The following LHPP variants were observed in gnomAD, a reference collection of about 807,000 sequenced individuals.
LHPP encodes hLHPP.
Under a neutral mutation model 30.3 loss-of-function variants are expected in LHPP, and 24 were observed. The observed-to-expected ratio is 0.79, with a 90% confidence interval of 0.57 to 1.11. The LOEUF (loss-of-function observed/expected upper bound fraction) is 1.11, where lower values mean the gene tolerates loss of function less well. LHPP is among the 50% of genes most tolerant of loss of function. The pLI, the probability that LHPP is intolerant of heterozygous loss-of-function variation, is 0.00. For synonymous variants in LHPP, 150 were observed against 157.1 expected (o/e 0.95, Z 0.34); for missense variants, 356 against 367.2 (o/e 0.97, Z 0.25).
At chr10:124,518,189 T>G (rs1954510191) in intron 6 of LHPP, among the ~76,000 whole-genome samples, 1 of 152,274 alleles carries the variant, frequency 6.6e-6, no homozygotes, top group African/African-American at 2.4e-5. Context: ...GGTCAGGAAG[T>G]TGGTCCCTTC....
In LHPP at chr10:124,517,376, A is replaced by G. The variant is rs1954487646; in HGVS notation, c.716+105A>G. The G allele has an allele frequency of 2.7e-6, 2 of 750,600 alleles. No individual in the cohort carries two copies. Among genetic ancestry groups the G allele is most frequent in the South Asian group, 3.9e-5 (2 of 50,722 alleles). The allele number at this position is 750,600 out of a possible 1,614,324, so 46.5% of individuals were successfully genotyped here. ...AAAGGGGATATTCTTTCCAAATCAAAGAGCAGTATGTGGGCATTCACTATC... is the reference window on the plus strand; with the variant it reads ...AAAGGGGATATTCTTTCCAAATCAAGGAGCAGTATGTGGGCATTCACTATC... On this transcript the variant is annotated intron_variant, in intron 6 of 6. Coordinates refer to ENST00000368842, the MANE Select transcript of LHPP (RefSeq NM_022126.4). The surrounding 1 kb of genome is among the most constrained non-coding windows in gnomAD (Gnocchi z 4.1).
intron 2 of LHPP, among the ~76,000 whole-genome samples, chr10:124,484,771 T>C (rs934371597): frequency 2.0e-5 from 3 of 152,106 alleles, no homozygotes; most frequent in Non-Finnish European, 4.4e-5. Context: ...TCTGGCACCA[T>C]AGCCTTCAAC....
At chr10:124,543,141 G>A (rs536019181) in intron 6 of LHPP, among the ~76,000 whole-genome samples, 1 of 152,328 alleles carries the variant, frequency 6.6e-6, no homozygotes, top group East Asian at 1.9e-4. Context: ...TCCGAGGGTT[G>A]ACTGGGAGAG....
rs1033565407 is a variant in LHPP, at chr10:124,592,664, C to T, written c.717-20600C>T. Among the ~76,000 whole-genome samples the T allele has an allele frequency of 8.5e-5, 13 of 152,294 alleles. No homozygotes were observed. Among genetic ancestry groups the T allele is most frequent in the Middle Eastern group, 3.4e-3 (1 of 294 alleles). ...CTGTGGAGCTGCCTCCAGGCCTTCC[C>T]GGAGGCCCCATGGCTGTCTTACTTG... On this transcript the variant is annotated intron_variant, in intron 6 of 6. Transcript: ENST00000368842. This position sits in a 1 kb window ranked among gnomAD's most constrained non-coding sequence, Gnocchi z 6.2.
chr10:124,553,739 GT>G (rs1564827382), intron 6 of LHPP, among the ~76,000 whole-genome samples: 1 of 152,190 alleles, frequency 6.6e-6, no homozygotes, highest in Non-Finnish European at 1.5e-5. Flanking sequence ...GATTACAGGC[GT>G]GAGCCACCAC....
At chr10:124,613,203 G>A in intron 6 of LHPP, 61 bp from the exon 7 acceptor site, 1 of 1,221,270 alleles carries the variant, frequency 8.2e-7, no homozygotes, top group Non-Finnish European at 1.2e-6. Flanking sequence ...CTGGGAGGGT[G>A]GGTGTGGCTG....
At chr10:124,536,994 A>G (rs754054966) in intron 6 of LHPP, among the ~76,000 whole-genome samples, 12 of 152,216 alleles carry the variant, frequency 7.9e-5, no homozygotes, top group Admixed American at 1.3e-4. Flanking sequence ...TAATATATAA[A>G]TAATAAAAGT....
intron 6 of LHPP, among the ~76,000 whole-genome samples, chr10:124,568,042 A>AG (rs1056340281): frequency 5.9e-5 from 9 of 151,954 alleles, no homozygotes; most frequent in East Asian, 3.9e-4. Flanking sequence ...CCTCCTTAGT[A>AG]GGGGGGGACT....
intron 6 of LHPP, among the ~76,000 whole-genome samples, chr10:124,519,884 G>C (rs112576983): frequency 0.041 from 6,202 of 151,736 alleles, 269 homozygotes; most frequent in East Asian, 0.13. Flanking sequence ...CCAGGCTGGA[G>C]TGCAGTGGCG....
intron 1 of LHPP, among the ~76,000 whole-genome samples, chr10:124,472,718 TG>T (rs2133824509): frequency 6.6e-6 from 1 of 152,176 alleles, no homozygotes; most frequent in South Asian, 2.1e-4. Context: ...CCACCACGTC[TG>T]GCTAACTTTT....
chr10:124,611,697 G>A (rs1949201790), intron 6 of LHPP, among the ~76,000 whole-genome samples: 2 of 152,128 alleles, frequency 1.3e-5, no homozygotes, highest in African/African-American at 4.8e-5. Context: ...CCACTGGGCT[G>A]AGAACCCTTA....
chr10:124,488,196 G>A (rs1953399856), intron 2 of LHPP, among the ~76,000 whole-genome samples: 1 of 152,186 alleles, frequency 6.6e-6, no homozygotes, highest in Admixed American at 6.5e-5. Flanking sequence ...GGTCCTGGGT[G>A]TGTCCACCTT....
chr10:124,512,292 C>T (rs775500320), intron 5 of LHPP, among the ~76,000 whole-genome samples: 3 of 152,132 alleles, frequency 2.0e-5, no homozygotes, highest in Non-Finnish European at 4.4e-5. Context: ...ATTTCCTCAA[C>T]GAAACATTTC....
intron 6 of LHPP, among the ~76,000 whole-genome samples, chr10:124,557,313 C>T (rs1055089529): frequency 2.6e-5 from 4 of 152,204 alleles, no homozygotes; most frequent in East Asian, 1.9e-4. Flanking sequence ...AAGGCCCACG[C>T]GAACGGGCAG....
chr10:124,484,111 T>C (rs759825155), intron 1 of LHPP, 28 bp from the exon 2 acceptor site: 43 of 1,608,956 alleles, frequency 2.7e-5, no homozygotes, highest in Non-Finnish European at 3.3e-5. Flanking sequence ...CGTGCTGACT[T>C]CCCGGGCCTG....
chr10:124,508,036 AG>A (rs1399611455), intron 5 of LHPP, among the ~76,000 whole-genome samples: 6 of 151,956 alleles, frequency 3.9e-5, no homozygotes, highest in Admixed American at 3.9e-4. Flanking sequence ...ATAAACTCAA[AG>A]GTGCCCTACC....
At chr10:124,559,068 G>A (rs890758976) in intron 6 of LHPP, among the ~76,000 whole-genome samples, 2 of 152,106 alleles carry the variant, frequency 1.3e-5, no homozygotes, top group African/African-American at 4.8e-5. Context: ...TTCTGCAGAG[G>A]TTACCATGCA....
In LHPP at chr10:124,517,036, G is replaced by T. The variant is rs1954473904; in HGVS notation, c.625-144G>T. ...AGGTGGGTTGACTTTTAATCAATAC[G>T]ATGACAATATTATCTTGTTTAATTT... On this transcript the variant is annotated intron_variant, in intron 5 of 6. Transcript: ENST00000368842. This position sits in a 1 kb window ranked among gnomAD's most constrained non-coding sequence, Gnocchi z 4.1. The T allele has an allele frequency of 1.7e-6, 1 of 580,724 alleles. No individual in the cohort carries two copies. The highest frequency in any genetic ancestry group is 3.5e-4 in the Middle Eastern group (1 of 2,870). The allele number at this position is 580,724 out of a possible 1,614,324, so 36.0% of individuals were successfully genotyped here. A position where few individuals can be genotyped will look rare whatever the true frequency, so the allele number is the denominator to read the frequency against.
chr10:124,547,613 C>G (rs1955381458), intron 6 of LHPP, among the ~76,000 whole-genome samples: 2 of 152,260 alleles, frequency 1.3e-5, no homozygotes, highest in South Asian at 4.1e-4. Context: ...GGCCCCTGGC[C>G]TGGATGCTGT....
Sources: gnomAD v4.1 joint callset for allele counts (sites outside exome capture counted in the v4.1 genomes callset) on GRCh38, gnomAD v4.1.1 for gene constraint, Gnocchi (gnomAD v3.1) non-coding constraint, MANE v1.5 for transcripts, NCBI Gene and HGNC (gene_info 2026-07-23, HGNC 2026-07-21) for gene names.